The following DLG2 variants were observed in gnomAD, a reference collection of about 807,000 sequenced individuals.
The protein encoded by DLG2 is discs large MAGUK scaffold protein 2, also known as disks large homolog 2.
DLG2 carries 45 observed loss-of-function variants against 132.5 expected under a neutral mutation model. The observed-to-expected ratio is 0.34, with a 90% CI of 0.27 to 0.44. The LOEUF is 0.44. Ranked by LOEUF, DLG2 falls within the 20% of genes least tolerant of loss-of-function variation. The probability of loss-of-function intolerance (pLI) is 1.00; values close to 1 mark genes in which losing one functional copy is unlikely to be tolerated. For synonymous variants in DLG2, 424 were observed against 419.6 expected (o/e 1.01, Z -0.13); for missense variants, 1,045 against 1,196.9 (o/e 0.87, Z 1.87).
intron 18 of DLG2, among the ~76,000 whole-genome samples, chr11:83,766,182 C>T (rs1032089281): frequency 2.0e-5 from 3 of 151,396 alleles, no homozygotes; most frequent in Non-Finnish European, 4.4e-5. Flanking sequence ...CAACCTCTGC[C>T]TCCCGAGTTC....
chr11:85,078,174 G>A (rs909106400), intron 6 of DLG2, among the ~76,000 whole-genome samples: 1 of 149,182 alleles, frequency 6.7e-6, no homozygotes. Flanking sequence ...CTCTATTGGG[G>A]GAAATAAACA....
chr11:83,791,356 C>G (rs2041510608), intron 17 of DLG2: 5 of 677,282 alleles, frequency 7.4e-6, no homozygotes, highest in South Asian at 5.1e-5. Context: ...ATCCATCAAG[C>G]TTTTGCTTTT....
intron 3 of DLG2, among the ~76,000 whole-genome samples, chr11:85,377,851 A>G (rs1272312973): frequency 6.7e-6 from 1 of 149,592 alleles, no homozygotes; most frequent in Non-Finnish European, 1.5e-5. Flanking sequence ...GTATACATAT[A>G]TGTGTGTGTA....
intron 15 of DLG2, among the ~76,000 whole-genome samples, chr11:83,883,062 A>G (rs2066751307): frequency 6.6e-6 from 1 of 152,212 alleles, no homozygotes; most frequent in Non-Finnish European, 1.5e-5. Context: ...TTGTCCCAGC[A>G]TGCTTGATTT....
chr11:83,520,716 T>TAGAC (rs1565617555), intron 21 of DLG2, among the ~76,000 whole-genome samples: 1 of 151,364 alleles, frequency 6.6e-6, no homozygotes, highest in Non-Finnish European at 1.5e-5. Flanking sequence ...GATAGATAGA[T>TAGAC]AGATAGATAG....
At chr11:84,063,053 T>C (rs567856888) in intron 10 of DLG2, among the ~76,000 whole-genome samples, 1 of 152,284 alleles carries the variant, frequency 6.6e-6, no homozygotes, top group Non-Finnish European at 1.5e-5. Flanking sequence ...AGGGACATTG[T>C]TTTATGAAGC....
chr11:84,115,024 GCTTAGT>G (rs2093565633), intron 9 of DLG2, among the ~76,000 whole-genome samples: 1 of 152,104 alleles, frequency 6.6e-6, no homozygotes, highest in Non-Finnish European at 1.5e-5. Context: ...TTAAAGCTAT[GCTTAGT>G]CTGTAGTTTT....
At position 85,290,844 on chromosome 11, in the gene DLG2, C is replaced by G. The variant is rs185585614; in HGVS notation, c.41-5479G>C. Among the ~76,000 whole-genome samples, 30 of 152,168 alleles carry G rather than the reference C, an allele frequency of 2.0e-4. 1 individual carries two copies. Among genetic ancestry groups the G allele is most frequent in the African/African-American group, 5.8e-4 (24 of 41,536 alleles). ...AGATCTGGTCTTCATAATAATGATTCTGACACAGTTAGGTCTTCAATTGTC... is the reference window on the plus strand; with the variant it reads ...AGATCTGGTCTTCATAATAATGATTGTGACACAGTTAGGTCTTCAATTGTC... On this transcript the variant is annotated intron_variant, in intron 3 of 27. Transcript: ENST00000376104.
intron 7 of DLG2, among the ~76,000 whole-genome samples, chr11:84,484,480 C>T (rs2099145968): frequency 6.6e-6 from 1 of 152,098 alleles, no homozygotes; most frequent in Non-Finnish European, 1.5e-5. Flanking sequence ...CACAGGTAAG[C>T]TGAGGGTTAT....
At position 84,576,463 on chromosome 11, in the gene DLG2, T is replaced by C. The variant is rs76726225; in HGVS notation, c.358-41732A>G. On this transcript the variant is annotated intron_variant, in intron 6 of 27. Coordinates refer to ENST00000376104, the MANE Select transcript of DLG2 (RefSeq NM_001142699.3). ...ATCAGAAAATGCTTCACTGAGGAGA[T>C]GATGATCAAGCTGAGCCTTGAAGGA... is the stretch of plus-strand genomic sequence containing the variant. 6.6e-4 allele frequency among the ~76,000 whole-genome samples: 100 copies of C among 152,286 alleles called. 4 individuals carry two copies. The East Asian group carries it at 0.019, about 29-fold the overall frequency.
At chr11:83,790,837 T>C (rs1017613980) in intron 17 of DLG2, 43 of 753,072 alleles carry the variant, frequency 5.7e-5, no homozygotes, top group Non-Finnish European at 8.3e-5. Flanking sequence ...GAGACTTCCA[T>C]GGTAGAAGAA....
chr11:84,450,657 A>G (rs1391990375), intron 7 of DLG2, among the ~76,000 whole-genome samples: 1 of 151,722 alleles, frequency 6.6e-6, no homozygotes, highest in East Asian at 1.9e-4. Flanking sequence ...AATAAAAGAA[A>G]CATTATTTCT....
intron 13 of DLG2, among the ~76,000 whole-genome samples, chr11:83,964,549 A>G (rs1397821810): frequency 6.6e-6 from 1 of 152,002 alleles, no homozygotes; most frequent in Non-Finnish European, 1.5e-5. Flanking sequence ...GACTCTCAAC[A>G]TTTCAGAATG....
chr11:83,739,518 G>GA (rs1454395728), intron 18 of DLG2, among the ~76,000 whole-genome samples: 1 of 151,882 alleles, frequency 6.6e-6, no homozygotes, highest in Non-Finnish European at 1.5e-5. Context: ...TAACTCAATA[G>GA]AAAAAATGAC....
chr11:83,826,273 G>T (rs2052751728), intron 17 of DLG2, among the ~76,000 whole-genome samples: 1 of 152,202 alleles, frequency 6.6e-6, no homozygotes, highest in African/African-American at 2.4e-5. Context: ...TGGTGGCTGG[G>T]CCAGGAGGTA....
intron 8 of DLG2, among the ~76,000 whole-genome samples, chr11:84,227,921 AAAAAAAAAAAAT>A (rs1365395800): frequency 1.3e-5 from 2 of 151,662 alleles, no homozygotes; most frequent in African/African-American, 4.8e-5. Context: ...CTCAAAAAAA[AAAAAAAAAAAAT>A]GTATGTTGAC....
chr11:84,905,200 T>A (rs1051804601), intron 6 of DLG2, among the ~76,000 whole-genome samples: 7 of 152,188 alleles, frequency 4.6e-5, no homozygotes, highest in African/African-American at 1.7e-4. Context: ...AGGCATGACC[T>A]GAATTTTTAA....
chr11:84,375,361 C>T (rs2098724767), intron 7 of DLG2, among the ~76,000 whole-genome samples: 1 of 152,090 alleles, frequency 6.6e-6, no homozygotes. Flanking sequence ...TTTTTGTTCA[C>T]CAACTGGTTC....
intron 11 of DLG2, among the ~76,000 whole-genome samples, chr11:83,993,213 G>T (rs1403152632): frequency 6.6e-6 from 1 of 152,114 alleles, no homozygotes; most frequent in Non-Finnish European, 1.5e-5. Flanking sequence ...TGTTAGCACA[G>T]TGCTGACATA....
Sources: allele counts gnomAD v4.1 joint callset (sites outside exome capture counted in the v4.1 genomes callset), GRCh38; gene constraint gnomAD v4.1.1; transcripts MANE v1.5; gene names NCBI Gene and HGNC (gene_info 2026-07-23, HGNC 2026-07-21).